The following DRC9 variants were observed in gnomAD, a reference collection of about 807,000 sequenced individuals.
The protein encoded by DRC9 is dynein regulatory complex subunit 9.
the DRC9 span, among the ~76,000 whole-genome samples, chr3:197,906,184 G>A: frequency 2.6e-5 from 4 of 152,194 alleles, no homozygotes; most frequent in African/African-American, 9.7e-5. Context: ...CACGACAGGA[G>A]GGCGTCTCAC....
chr3:197,918,258 C>CTTTTTTTT, the DRC9 span, among the ~76,000 whole-genome samples: 9 of 60,308 alleles, frequency 1.5e-4, no homozygotes, highest in African/African-American at 2.5e-4. Context: ...TAATTTTTTG[C>CTTTTTTTT]TTTTTTTTTT....
At chr3:197,905,343 A>G in the DRC9 span, among the ~76,000 whole-genome samples, 8 of 152,346 alleles carry the variant, frequency 5.3e-5, no homozygotes, top group Admixed American at 3.3e-4. Context: ...CATGCACTCC[A>G]TAAGTATATA....
the DRC9 span, chr3:197,950,858 T>G: frequency 7.3e-7 from 1 of 1,362,516 alleles, no homozygotes; most frequent in East Asian, 2.3e-5. Context: ...GAATTTGCTT[T>G]AGGGGCTTAA....
At chr3:197,939,198 A>G in the DRC9 span, among the ~76,000 whole-genome samples, 1 of 152,364 alleles carries the variant, frequency 6.6e-6, no homozygotes, top group Admixed American at 6.5e-5. Flanking sequence ...AAGATTGGAT[A>G]TTCAATAAAT....
chr3:197,930,736 G>GAA, the DRC9 span, among the ~76,000 whole-genome samples: 11 of 94,238 alleles, frequency 1.2e-4, no homozygotes, highest in South Asian at 1.1e-3. Context: ...CTCAGTCTCA[G>GAA]AAAAAAAAAA....
the DRC9 span, among the ~76,000 whole-genome samples, chr3:197,911,652 T>C: frequency 6.6e-6 from 1 of 152,202 alleles, no homozygotes; most frequent in South Asian, 2.1e-4. Flanking sequence ...TAAATTTTTT[T>C]TTTTTTGAGA....
At chr3:197,898,093 T>G in the DRC9 span, among the ~76,000 whole-genome samples, 2 of 152,102 alleles carry the variant, frequency 1.3e-5, no homozygotes, top group African/African-American at 2.4e-5. Flanking sequence ...GCATAAATCT[T>G]ACATTTCACA....
At chr3:197,928,398 G>A in the DRC9 span, among the ~76,000 whole-genome samples, 1 of 144,782 alleles carries the variant, frequency 6.9e-6, no homozygotes, top group East Asian at 2.0e-4. Flanking sequence ...GCCCAGCCTA[G>A]AGTGCAGTGG....
the DRC9 span, chr3:197,958,271 C>G: frequency 6.6e-6 from 1 of 152,214 alleles, no homozygotes; most frequent in Non-Finnish European, 1.5e-5. Context: ...GATTCCTGGC[C>G]TCAAGTGATC....
the DRC9 span, chr3:197,950,986 T>C: frequency 1.2e-6 from 2 of 1,613,400 alleles, no homozygotes; most frequent in Non-Finnish European, 1.7e-6. Context: ...AAGGTACGCG[T>C]TTTAAATATA....
the DRC9 span, among the ~76,000 whole-genome samples, chr3:197,935,974 G>A: frequency 1.3e-5 from 2 of 151,912 alleles, no homozygotes; most frequent in East Asian, 3.9e-4. Context: ...GTGGCCTGGC[G>A]CGGTGGCTCA....
the DRC9 span, among the ~76,000 whole-genome samples, chr3:197,912,035 T>C: frequency 5.3e-5 from 8 of 151,966 alleles, no homozygotes; most frequent in African/African-American, 1.9e-4. Context: ...TTAAAAATTA[T>C]GTCTTTTTTT....
the DRC9 span, among the ~76,000 whole-genome samples, chr3:197,909,366 G>A: frequency 1.3e-5 from 2 of 152,196 alleles, no homozygotes; most frequent in African/African-American, 4.8e-5. Context: ...TTTGCATGCA[G>A]TAAGATTTTC....
chr3:197,924,019 T>C, the DRC9 span, among the ~76,000 whole-genome samples: 1 of 151,638 alleles, frequency 6.6e-6, no homozygotes, highest in Non-Finnish European at 1.5e-5. Flanking sequence ...AATTGTGCCA[T>C]TGCACTCCAG....
the DRC9 span, among the ~76,000 whole-genome samples, chr3:197,930,958 C>T: frequency 2.0e-5 from 3 of 150,162 alleles, no homozygotes; most frequent in Admixed American, 6.6e-5. Context: ...CACTTGAACC[C>T]GGGAGGCGGA....
At chr3:197,922,027 G>A in the DRC9 span, among the ~76,000 whole-genome samples, 1 of 151,364 alleles carries the variant, frequency 6.6e-6, no homozygotes, top group Non-Finnish European at 1.5e-5. Flanking sequence ...CCCGACTACT[G>A]GTTTTCAGTA....
chr3:197,953,736 TATC>T, the DRC9 span: 1 of 540,092 alleles, frequency 1.9e-6, no homozygotes, highest in South Asian at 2.0e-5. Flanking sequence ...TTGCCTCTGT[TATC>T]ATCTGACCTA....
the DRC9 span, chr3:197,891,547 T>C: frequency 6.5e-7 from 1 of 1,533,940 alleles, no homozygotes; most frequent in South Asian, 1.1e-5. Context: ...TACTCTCTTA[T>C]CTGCAAAGAT....
the DRC9 span, among the ~76,000 whole-genome samples, chr3:197,890,095 C>T: frequency 6.6e-6 from 1 of 152,122 alleles, no homozygotes; most frequent in Non-Finnish European, 1.5e-5. Context: ...AAGCACTCGG[C>T]CAAAAATGCA....
Sources: gnomAD v4.1 joint callset for allele counts (sites outside exome capture counted in the v4.1 genomes callset) on GRCh38, gnomAD v4.1.1 for gene constraint, MANE v1.5 for transcripts, NCBI Gene and HGNC (gene_info 2026-07-23, HGNC 2026-07-21) for gene names.